Variants in DNAH14 observed in about 807,000 individuals in gnomAD.
The protein encoded by DNAH14 is dynein axonemal heavy chain 14.
A neutral mutation model predicts 520.9 loss-of-function variants in DNAH14; 478 were observed. That is an observed-to-expected ratio of 0.92 (90% CI 0.85 to 0.99). DNAH14 has a LOEUF of 0.99. Ranked by LOEUF, DNAH14 falls within the 50% of genes least tolerant of loss-of-function variation. DNAH14 has a pLI of 0.00. For synonymous variants in DNAH14, 1,581 were observed against 1,757.2 expected, an observed-to-expected ratio of 0.90 and a Z score of 2.51; for missense variants, 4,831 against 5,234.5, an observed-to-expected ratio of 0.92 and a Z score of 2.38.
At position 225,232,242 on chromosome 1, in the gene DNAH14, C is replaced by CTATATATATATATAGTTATATATATA. The variant is rs2091194067; in HGVS notation, c.6518+1091_6518+1092insTATATATATATATAGTTATATATATA. Among the ~76,000 whole-genome samples, 1 of 150,856 alleles carries CTATATATATATATAGTTATATATATA rather than the reference C, an allele frequency of 6.6e-6. No homozygotes were observed. Among genetic ancestry groups the CTATATATATATATAGTTATATATATA allele is most frequent in the African/African-American group, 2.4e-5 (1 of 41,096 alleles). On this transcript the variant is annotated intron_variant, in intron 42 of 85. Transcript: ENST00000682510. The surrounding 1 kb of genome is among the most constrained non-coding windows in gnomAD (Gnocchi z 4.2). ...TTTCTTTTCACTGCTACCTACTAGT[C>CTATATATATATATAGTTATATATATA]CATTGTCATTATATATATAAACTGT...
At chr1:224,945,286 G>A (rs576271944) in intron 1 of DNAH14, among the ~76,000 whole-genome samples, 4 of 151,864 alleles carry the variant, frequency 2.6e-5, no homozygotes, top group Non-Finnish European at 4.4e-5. Flanking sequence ...TGATCGAATC[G>A]GCTACTGAGG....
At chr1:225,327,407 C>G (rs2094699821) in intron 64 of DNAH14, among the ~76,000 whole-genome samples, 1 of 152,052 alleles carries the variant, frequency 6.6e-6, no homozygotes, top group Non-Finnish European at 1.5e-5. Context: ...GTGATCCACC[C>G]GCCTCGGCCT....
Position 225,068,875 on chromosome 1 carries a change from G to A in DNAH14, c.2425-10332G>A, listed in dbSNP as rs1403837446. ...AGGCGGGCGGATCACGAGGTCAGGA[G>A]ATCGAGACCATCCCGGCTAAAACGG... On this transcript the variant is annotated intron_variant, in intron 17 of 85. Transcript: ENST00000682510. Among the ~76,000 whole-genome samples the A allele has an allele frequency of 1.7e-3, 2 of 1,160 alleles. 1 individual carries two copies. Among genetic ancestry groups the A allele is most frequent in the Admixed American group, 4.8e-3 (2 of 414 alleles). The allele number at this position is 1,160 out of a possible 152,430, so 0.8% of individuals were successfully genotyped here.
At chr1:225,035,996 TAAAG>T (rs1231421143) in intron 11 of DNAH14, among the ~76,000 whole-genome samples, 1 of 152,110 alleles carries the variant, frequency 6.6e-6, no homozygotes, top group Non-Finnish European at 1.5e-5. Context: ...TTGTAAGAAT[TAAAG>T]AAAGAGGAAA....
chr1:225,142,592 G>A (rs1399970409), intron 28 of DNAH14, among the ~76,000 whole-genome samples: 1 of 152,142 alleles, frequency 6.6e-6, no homozygotes, highest in African/African-American at 2.4e-5. Context: ...GGTAAGTGGT[G>A]CAGTACACAA....
intron 27 of DNAH14, among the ~76,000 whole-genome samples, chr1:225,129,906 T>G (rs543011220): frequency 6.6e-6 from 1 of 152,252 alleles, no homozygotes; most frequent in African/African-American, 2.4e-5. Flanking sequence ...AGAAAATTTT[T>G]GCAACCTACT....
chr1:225,274,101 TCA>T (rs1433835009), intron 52 of DNAH14, among the ~76,000 whole-genome samples: 1 of 151,996 alleles, frequency 6.6e-6, no homozygotes, highest in Non-Finnish European at 1.5e-5. Flanking sequence ...CTTTGAGGAA[TCA>T]CCACACTGTC....
chr1:225,206,344 C>T (rs547606326), intron 40 of DNAH14, among the ~76,000 whole-genome samples, 165 bp downstream of exon 40: 1 of 152,278 alleles, frequency 6.6e-6, no homozygotes, highest in African/African-American at 2.4e-5. Context: ...TCATAATCCA[C>T]AATTGAATGT....
At chr1:225,307,916 T>C (rs2094282394) in intron 59 of DNAH14, among the ~76,000 whole-genome samples, 1 of 152,210 alleles carries the variant, frequency 6.6e-6, no homozygotes, top group Admixed American at 6.5e-5. Flanking sequence ...TATCAACTAT[T>C]CTAAAAACCA....
intron 15 of DNAH14, among the ~76,000 whole-genome samples, chr1:225,046,856 G>A (rs920233732): frequency 7.2e-5 from 11 of 152,024 alleles, no homozygotes; most frequent in African/African-American, 2.7e-4. Context: ...CTTAATTTTG[G>A]AAGAGTAATT....
At chr1:225,238,114 G>A (rs2091725826) in intron 42 of DNAH14, among the ~76,000 whole-genome samples, 1 of 152,106 alleles carries the variant, frequency 6.6e-6, no homozygotes, top group Non-Finnish European at 1.5e-5. Context: ...GCTTACTTCT[G>A]TTAATTCAGC....
At chr1:225,209,302 T>C (rs529499271) in intron 41 of DNAH14, among the ~76,000 whole-genome samples, 1 of 152,200 alleles carries the variant, frequency 6.6e-6, no homozygotes, top group Admixed American at 6.5e-5. Flanking sequence ...TGACCTAGAT[T>C]TGGCTGTTAG....
chr1:225,309,901 A>G (rs753967526), intron 60 of DNAH14, among the ~76,000 whole-genome samples: 1 of 152,224 alleles, frequency 6.6e-6, no homozygotes, highest in East Asian at 1.9e-4. Context: ...GGGGAGGGAT[A>G]GCATTAGGAG....
At chr1:225,236,246 A>G (rs955881275) in intron 42 of DNAH14, among the ~76,000 whole-genome samples, 1 of 152,182 alleles carries the variant, frequency 6.6e-6, no homozygotes, top group Non-Finnish European at 1.5e-5. Flanking sequence ...CATTAGTTTC[A>G]AAGACCTTCT....
At chr1:225,049,028 CTT>C (rs1458943182) in intron 15 of DNAH14, among the ~76,000 whole-genome samples, 2 of 109,636 alleles carry the variant, frequency 1.8e-5, no homozygotes, top group Non-Finnish European at 3.6e-5. Flanking sequence ...TGCCAAATGT[CTT>C]TTTAGATCTC....
chr1:225,399,031 CT>C (rs1316740792), intron 85 of DNAH14, 22 bp from the exon 86 acceptor site: 1 of 1,376,984 alleles, frequency 7.3e-7, no homozygotes, highest in East Asian at 2.5e-5. Flanking sequence ...AATTTGACTA[CT>C]GGATTTTTTT....
At chr1:225,091,325 G>A (rs138102733) in intron 21 of DNAH14, among the ~76,000 whole-genome samples, 1 of 152,078 alleles carries the variant, frequency 6.6e-6, no homozygotes, top group Non-Finnish European at 1.5e-5. Context: ...AAAAATAAAG[G>A]CAGCTAGAGA....
intron 11 of DNAH14, among the ~76,000 whole-genome samples, chr1:225,026,821 A>G (rs1288137314): frequency 6.6e-6 from 1 of 152,192 alleles, no homozygotes; most frequent in Non-Finnish European, 1.5e-5. Context: ...TGATAGAGGC[A>G]GCATTAAAAC....
rs2076964193 is a variant in DNAH14, at chr1:225,117,623, A to G, written c.3868-61A>G. On this transcript the variant is annotated intron_variant, in intron 23 of 85. Transcript: ENST00000682510. ...TTTGTAAGTATAGGTCAAAATGAGG[A>G]TGTAATTCATATCATAATTAAGCAT... 10 of 1,018,006 alleles carry G rather than the reference A, an allele frequency of 9.8e-6. No homozygotes were observed. The East Asian group carries it at 2.6e-4, about 26-fold the overall frequency. 63.1% of individuals were successfully genotyped at this position (1,018,006 alleles called of 1,614,324 possible). A position where few individuals can be genotyped will look rare whatever the true frequency, so the allele number is the denominator to read the frequency against.
Sources: allele counts gnomAD v4.1 joint callset (sites outside exome capture counted in the v4.1 genomes callset), GRCh38; gene constraint gnomAD v4.1.1; non-coding constraint Gnocchi (gnomAD v3.1); transcripts MANE v1.5; gene names NCBI Gene and HGNC (gene_info 2026-07-23, HGNC 2026-07-21).